The following CTNNA3 variants were observed in gnomAD, a reference collection of about 807,000 sequenced individuals.
The protein encoded by CTNNA3 is catenin alpha-3.
CTNNA3 carries 76 observed loss-of-function variants against 95.7 expected under a neutral mutation model. The ratio of observed to expected loss-of-function variants is 0.79; its 90% CI spans 0.66 to 0.96. The LOEUF (loss-of-function observed/expected upper bound fraction) is 0.96, where lower values mean the gene tolerates loss of function less well. CTNNA3 is among the 40% of genes least tolerant of loss of function. The pLI is 0.00. For synonymous variants in CTNNA3, 431 were observed against 374.4 expected (o/e 1.15, Z -1.74); for missense variants, 1,191 against 1,089.8 (o/e 1.09, Z -1.31).
chr10:66,268,927 G>A (rs369225078), intron 13 of CTNNA3, among the ~76,000 whole-genome samples: 5 of 152,158 alleles, frequency 3.3e-5, no homozygotes, highest in African/African-American at 1.2e-4. Context: ...ACCTTGTAGA[G>A]ACCTATTCAG....
rs1375544655 is a variant in CTNNA3, at chr10:65,915,843, T to C, written c.*4487A>G. On this transcript the variant is annotated 3_prime_UTR_variant, in exon 18 of 18. Coordinates refer to ENST00000433211, the MANE Select transcript of CTNNA3 (RefSeq NM_013266.4). ...TTTTGCTTTAATAGAATATATGTTT[T>C]TGTTCATATGAATTGGTTAAAAATG... 1 of 152,226 alleles carries C rather than the reference T, an allele frequency of 6.6e-6. No individual in the cohort carries two copies. Among genetic ancestry groups the C allele is most frequent in the Non-Finnish European group, 1.5e-5 (1 of 68,046 alleles). 9.4% of individuals were successfully genotyped at this position (152,226 alleles called of 1,614,324 possible).
chr10:66,595,404 C>T (rs904693813), intron 10 of CTNNA3, among the ~76,000 whole-genome samples: 11 of 151,820 alleles, frequency 7.2e-5, no homozygotes, highest in East Asian at 1.9e-4. Context: ...AGTGCAGTGG[C>T]GCGTTCTTGG....
intron 12 of CTNNA3, among the ~76,000 whole-genome samples, chr10:66,317,721 A>G (rs1344244586): frequency 2.0e-5 from 3 of 151,954 alleles, no homozygotes; most frequent in East Asian, 1.9e-4. Flanking sequence ...TATAATTTAT[A>G]TTATCAAATT....
intron 15 of CTNNA3, among the ~76,000 whole-genome samples, chr10:66,059,284 T>C (rs925382075): frequency 2.0e-5 from 3 of 152,092 alleles, no homozygotes; most frequent in Non-Finnish European, 2.9e-5. Context: ...TTCTCATAAA[T>C]ACAGAATTGT....
At chr10:67,536,308 G>A (rs74806937) in intron 4 of CTNNA3, among the ~76,000 whole-genome samples, 3,305 of 152,064 alleles carry the variant, frequency 0.022, 149 homozygotes, top group African/African-American at 0.075. Flanking sequence ...AAAACTAGAC[G>A]CACTGTTTGA....
intron 2 of CTNNA3, among the ~76,000 whole-genome samples, chr10:67,645,801 A>T (rs551088890): frequency 6.6e-6 from 1 of 151,898 alleles, no homozygotes; most frequent in East Asian, 1.9e-4. Context: ...GCCATATCAT[A>T]TATAAGTAAA....
intron 11 of CTNNA3, among the ~76,000 whole-genome samples, chr10:66,481,693 G>A (rs1445059210): frequency 6.0e-5 from 8 of 134,230 alleles, no homozygotes; most frequent in African/African-American, 1.4e-4. Context: ...GGATGGTCTC[G>A]ATCTCCTGAC....
chr10:67,231,957 G>C (rs1352173971), intron 5 of CTNNA3, among the ~76,000 whole-genome samples: 1 of 152,118 alleles, frequency 6.6e-6, no homozygotes, highest in Non-Finnish European at 1.5e-5. Flanking sequence ...GGGAAGTTTA[G>C]ACAAAAAAGA....
intron 5 of CTNNA3, among the ~76,000 whole-genome samples, chr10:67,372,187 C>T (rs1324374756): frequency 6.6e-6 from 1 of 152,036 alleles, no homozygotes; most frequent in Non-Finnish European, 1.5e-5. Flanking sequence ...TGCCTATTCA[C>T]TCTGATGGTA....
intron 1 of CTNNA3, among the ~76,000 whole-genome samples, chr10:67,682,802 C>G (rs542174522): frequency 1.3e-5 from 2 of 152,080 alleles, no homozygotes; most frequent in Non-Finnish European, 2.9e-5. Flanking sequence ...AGCAACAGGA[C>G]AAACAAACAA....
At chr10:67,360,104 C>T (rs1842944565) in intron 5 of CTNNA3, among the ~76,000 whole-genome samples, 1 of 151,990 alleles carries the variant, frequency 6.6e-6, no homozygotes. Context: ...CCCCACCAAA[C>T]TAAGCTTCAT....
chr10:66,270,657 G>A (rs979882444), intron 13 of CTNNA3, among the ~76,000 whole-genome samples: 2 of 152,206 alleles, frequency 1.3e-5, no homozygotes, highest in Non-Finnish European at 2.9e-5. Context: ...GCAAGAAGAT[G>A]AAGAGTAGCT....
chr10:66,703,496 C>T (rs1025200048), intron 9 of CTNNA3, among the ~76,000 whole-genome samples: 1 of 152,068 alleles, frequency 6.6e-6, no homozygotes. Flanking sequence ...CAAGGAATAA[C>T]AAAAATCTAA....
intron 6 of CTNNA3, among the ~76,000 whole-genome samples, chr10:67,187,802 T>C (rs1397750806): frequency 6.6e-6 from 1 of 152,098 alleles, no homozygotes; most frequent in Non-Finnish European, 1.5e-5. Context: ...CCCAGGCTGG[T>C]CTCAAACTCC....
At chr10:66,951,655 G>A (rs1848546740) in intron 7 of CTNNA3, among the ~76,000 whole-genome samples, 1 of 152,002 alleles carries the variant, frequency 6.6e-6, no homozygotes, top group Non-Finnish European at 1.5e-5. Context: ...CACACTATTG[G>A]CTTTTGTTCC....
intron 15 of CTNNA3, among the ~76,000 whole-genome samples, chr10:66,055,339 C>A (rs2080056940): frequency 6.6e-6 from 1 of 152,114 alleles, no homozygotes; most frequent in African/African-American, 2.4e-5. Flanking sequence ...AATATTGATT[C>A]TTCTCATCCA....
chr10:67,371,628 T>C (rs900802895), intron 5 of CTNNA3, among the ~76,000 whole-genome samples: 4 of 152,238 alleles, frequency 2.6e-5, no homozygotes, highest in African/African-American at 9.6e-5. Flanking sequence ...CAGTCTATCA[T>C]TGATGGACAT....
intron 6 of CTNNA3, among the ~76,000 whole-genome samples, chr10:67,207,133 TAACAA>T (rs1170420499): frequency 6.6e-6 from 1 of 151,986 alleles, no homozygotes; most frequent in Non-Finnish European, 1.5e-5. Context: ...GTTCATCTCA[TAACAA>T]AACAAAACAA....
chr10:66,694,313 A>G (rs1219818029), intron 9 of CTNNA3, among the ~76,000 whole-genome samples: 1 of 152,138 alleles, frequency 6.6e-6, no homozygotes, highest in East Asian at 1.9e-4. Context: ...ACAAACTACC[A>G]TCAGAGAATA....
Sources: allele counts gnomAD v4.1 joint callset (sites outside exome capture counted in the v4.1 genomes callset), GRCh38; gene constraint gnomAD v4.1.1; transcripts MANE v1.5; gene names NCBI Gene and HGNC (gene_info 2026-07-23, HGNC 2026-07-21).